Variants in OSBPL5 observed in about 807,000 individuals in gnomAD.
OSBPL5 encodes oxysterol binding protein like 5.
Under a neutral mutation model 111.2 loss-of-function variants are expected in OSBPL5, and 71 were observed. That is an observed-to-expected ratio of 0.64 (90% CI 0.53 to 0.78). OSBPL5 has a LOEUF of 0.78. Ranked by LOEUF, OSBPL5 falls within the 30% of genes least tolerant of loss-of-function variation. The probability of loss-of-function intolerance (pLI) is 0.00; values close to 1 mark genes in which losing one functional copy is unlikely to be tolerated. For missense variants in OSBPL5, 1,210 were observed against 1,189.3 expected (o/e 1.02, Z -0.26); for synonymous variants, 549 against 513.9 (o/e 1.07, Z -0.93).
intron 1 of OSBPL5, among the ~76,000 whole-genome samples, chr11:3,148,561 C>T (rs960824210): frequency 3.9e-5 from 6 of 152,236 alleles, no homozygotes; most frequent in African/African-American, 1.4e-4. Flanking sequence ...CTGTCTGGAA[C>T]CGGCTTCCAT....
chr11:3,131,768 C>CCCATCCAT (rs375306874), intron 1 of OSBPL5, among the ~76,000 whole-genome samples: 59,970 of 108,954 alleles, frequency 0.55, 16,433 homozygotes, highest in Non-Finnish European at 0.59. Context: ...CCACCATCTT[C>CCCATCCAT]CCATCCATCC....
At position 3,093,654 on chromosome 11, in the gene OSBPL5, C is replaced by T. The variant is rs780486840; in HGVS notation, c.1819G>A (p.Val607Met). 18 of 1,613,216 alleles carry T rather than the reference C, an allele frequency of 1.1e-5. No individual in the cohort carries two copies. Among genetic ancestry groups the T allele is most frequent in the South Asian group, 5.5e-5 (5 of 91,086 alleles). ...ASLSGHWDRD[V>M]FIKEEGSGSS... The stretch of plus-strand genomic sequence containing the variant: ...CCGCTCCCTTCCTCCTTGATAAACA[C>T]GTCCCTGTCCTGCCCCAGATGGCCA... The change falls in exon 17 of 22, where the codon GTG becomes ATG. Residue 607 changes from valine (V) to methionine (M), a missense_variant. Physicochemically the swap from Val to Met is conservative, Grantham distance 21. Transcript: ENST00000263650.
intron 1 of OSBPL5, among the ~76,000 whole-genome samples, chr11:3,144,497 C>T (rs564271037): frequency 1.3e-5 from 2 of 152,332 alleles, no homozygotes; most frequent in South Asian, 2.1e-4. Context: ...CGCCAGGCTC[C>T]GTGGCCGGGA....
rs774192603 is a variant in OSBPL5 at position 3,114,591 on chromosome 11, A to ACTTTTTTTTTTTTTTTTTTTTTTTTT, written c.691+4955_691+4956insAAAAAAAAAAAAAAAAAAAAAAAAAG. Among the ~76,000 whole-genome samples the ACTTTTTTTTTTTTTTTTTTTTTTTTT allele has an allele frequency of 3.6e-4, 41 of 113,900 alleles. 16 individuals carry two copies. Among genetic ancestry groups the ACTTTTTTTTTTTTTTTTTTTTTTTTT allele is most frequent in the African/African-American group, 4.2e-4 (12 of 28,388 alleles). The allele number at this position is 113,900 out of a possible 152,430, so 74.7% of individuals were successfully genotyped here. A position where few individuals can be genotyped will look rare whatever the true frequency, so the allele number is the denominator to read the frequency against. On this transcript the variant is annotated intron_variant, in intron 7 of 21. Transcript: ENST00000263650. ...GACTAAAGAATTGGTTAGAACAATG[A>ACTTTTTTTTTTTTTTTTTTTTTTTTT]TTTTTTTTTTTTTTTTTTTTTTTTT...
At chr11:3,160,672 T>TCCCCCCCCCCCCCCCCCCCCCCCC (rs71035491) in intron 1 of OSBPL5, among the ~76,000 whole-genome samples, 6 of 122,532 alleles carry the variant, frequency 4.9e-5, no homozygotes, top group Admixed American at 8.4e-5. Flanking sequence ...ATGACAACCC[T>TCCCCCCCCCCCCCCCCCCCCCCCC]CCCCCCCCCC....
Position 3,102,248 on chromosome 11 carries a change from C to T in OSBPL5, c.1360G>A (p.Glu454Lys). The T allele has an allele frequency of 6.2e-7, 1 of 1,607,810 alleles. No individual in the cohort carries two copies. Among genetic ancestry groups the T allele is most frequent in the Non-Finnish European group, 8.5e-7 (1 of 1,177,626 alleles). ...IKKPYNPILGETFRCCWFHPQ... is the reference protein window; with the variant it reads ...IKKPYNPILGKTFRCCWFHPQ... ...TGGAACCAGCAGCAGCGGAAGGTCTCCCCCAGGATGGGGTTGTACGGCTTC... is the reference window on the plus strand; with the variant it reads ...TGGAACCAGCAGCAGCGGAAGGTCTTCCCCAGGATGGGGTTGTACGGCTTC... The change falls in exon 12 of 22, where the codon GAG (glutamate) becomes AAG (lysine). Residue 454 changes from glutamate to lysine, a missense_variant. Transcript: ENST00000263650.
At chr11:3,097,361 A>G (rs1857310324) in intron 14 of OSBPL5, among the ~76,000 whole-genome samples, 1 of 152,132 alleles carries the variant, frequency 6.6e-6, no homozygotes, top group Non-Finnish European at 1.5e-5. Context: ...AGGGAGAGTC[A>G]AGGAAACATT....
rs756769893 is a variant in OSBPL5, at chr11:3,104,265, G to A, written c.1172C>T (p.Thr391Met). 5.0e-6 allele frequency: 8 copies of A among 1,613,812 alleles called. No individual in the cohort carries two copies. In the East Asian group the frequency reaches 6.7e-5, roughly 13 times the overall value. Residue 391 changes from threonine (T) to methionine (M), a missense_variant, in exon 10 of 22, where the codon ACG becomes ATG. Thr to Met is a moderately conservative substitution (Grantham distance 81). Transcript: ENST00000263650. This position sits in a 1 kb window ranked among gnomAD's most constrained non-coding sequence, Gnocchi z 5.0. ...GMDLSRVVLPTFVLEPRSFLN... is the reference protein window; with the variant it reads ...GMDLSRVVLPMFVLEPRSFLN... ...GAAGGAGCGCGGCTCCAGTACGAAC[G>A]TGGGTAGCACCACGCGGGACAGGTC...
chr11:3,095,853 T>G (rs965047128), intron 14 of OSBPL5, among the ~76,000 whole-genome samples: 2 of 152,246 alleles, frequency 1.3e-5, no homozygotes, highest in Middle Eastern at 3.4e-3. Context: ...TTTACATGAA[T>G]GGATCCAGGC....
rs60874995 is a variant in OSBPL5, at chr11:3,119,528, C to T, written c.691+19G>A. 2.7e-3 allele frequency: 4,258 copies of T among 1,562,922 alleles called. 115 individuals carry two copies. The African/African-American group carries it at 0.053, about 20-fold the overall frequency. Reference sequence around the variant, plus strand: ...CAGGTGGGGGCACTGGGGAGATGCGCAAGCTGGCAGGGACTCACCATCTGA... The same window carrying T: ...CAGGTGGGGGCACTGGGGAGATGCGTAAGCTGGCAGGGACTCACCATCTGA... On this transcript the variant is annotated intron_variant, in intron 7 of 21. Transcript: ENST00000263650.
intron 10 of OSBPL5, among the ~76,000 whole-genome samples, chr11:3,103,904 C>CCTCTGCAG (rs1564830991): frequency 7.1e-6 from 1 of 141,532 alleles, no homozygotes; most frequent in East Asian, 2.1e-4. Flanking sequence ...GCCTCTGCAG[C>CCTCTGCAG]CCCCTTCCTG....
At chr11:3,134,380 G>T (rs1459380332) in intron 1 of OSBPL5, among the ~76,000 whole-genome samples, 3 of 152,194 alleles carry the variant, frequency 2.0e-5, no homozygotes, top group Non-Finnish European at 4.4e-5. Flanking sequence ...CCCCTTGCCT[G>T]GGGGAGCGCC....
chr11:3,151,717 A>G (rs1195769081), intron 1 of OSBPL5, among the ~76,000 whole-genome samples: 1 of 152,230 alleles, frequency 6.6e-6, no homozygotes, highest in Non-Finnish European at 1.5e-5. Context: ...GACTCCTCGG[A>G]GAATGGTCCA....
In OSBPL5 at chr11:3,107,997, C is replaced by T. The variant is rs779328770; in HGVS notation, c.692-52G>A. On this transcript the variant is annotated intron_variant, in intron 7 of 21. Transcript: ENST00000263650. The surrounding 1 kb of genome is among the most constrained non-coding windows in gnomAD (Gnocchi z 6.1). The stretch of plus-strand genomic sequence containing the variant: ...CCCACCCCCACCTCTGTATATCCCG[C>T]ATCCCCCAAGGGGCCACCAGGAGGC... 1.3e-6 allele frequency: 2 copies of T among 1,575,810 alleles called. No individual in the cohort carries two copies. Among genetic ancestry groups the T allele is most frequent in the Non-Finnish European group, 1.7e-6 (2 of 1,167,754 alleles).
At position 3,107,247 on chromosome 11, in the gene OSBPL5, G is replaced by C. The variant is rs1857731571; in HGVS notation, c.1059+16C>G. 1 of 1,608,350 alleles carries C rather than the reference G, an allele frequency of 6.2e-7. No individual in the cohort carries two copies. Among genetic ancestry groups the C allele is most frequent in the Admixed American group, 1.7e-5 (1 of 59,212 alleles). On this transcript the variant is annotated intron_variant, in intron 9 of 21. Coordinates refer to ENST00000263650, the MANE Select transcript of OSBPL5 (RefSeq NM_020896.4). The surrounding 1 kb of genome is among the most constrained non-coding windows in gnomAD (Gnocchi z 6.1). ...GCAGGGGAGACGCTTGGGGCTCCTGGCTGGGGGGCTCTCACCTCCCCCAGC... is the reference window on the plus strand; with the variant it reads ...GCAGGGGAGACGCTTGGGGCTCCTGCCTGGGGGGCTCTCACCTCCCCCAGC...
rs1564821251 is a variant in OSBPL5 at position 3,092,911 on chromosome 11, G to A, written c.2088C>T (p.Phe696=). The part of the protein sequence containing the change: ...ESLMPWKPQL[F]HLDPITQEWH... ...ACTCCTGGGTGATGGGGTCCAGGTGGAACAGCTGCGGCTTCCAGGGCATGA... is the reference window on the plus strand; with the variant it reads ...ACTCCTGGGTGATGGGGTCCAGGTGAAACAGCTGCGGCTTCCAGGGCATGA... The change falls in exon 18 of 22, where the codon TTC becomes TTT. Residue 696 remains phenylalanine, a synonymous_variant. Coordinates refer to ENST00000263650, the MANE Select transcript of OSBPL5 (RefSeq NM_020896.4). This position sits in a 1 kb window ranked among gnomAD's most constrained non-coding sequence, Gnocchi z 5.4. 1.3e-6 allele frequency: 2 copies of A among 1,564,902 alleles called. No homozygotes were observed.
In OSBPL5 at chr11:3,120,491, C is replaced by G. The variant is rs1394898068; in HGVS notation, c.536G>C (p.Arg179Pro). The change falls in exon 6 of 22, where the codon CGG becomes CCG. Residue 179 changes from arginine to proline, a missense_variant. Physicochemically the swap from Arg to Pro is moderately radical, Grantham distance 103 (BLOSUM62 -2). Coordinates refer to ENST00000263650, the MANE Select transcript of OSBPL5 (RefSeq NM_020896.4). ...VLLHCCELIE[R>P]PSKKDGFCFK... The stretch of plus-strand genomic sequence containing the variant: ...GCAGAAGCCGTCCTTCTTGGAGGGC[C>G]GCTCGATGAGCTCGCAGCAGTGCAG... 6.2e-7 allele frequency: 1 copy of G among 1,613,272 alleles called. No homozygotes were observed. The highest frequency in any genetic ancestry group is 8.5e-7 in the Non-Finnish European group (1 of 1,180,046).
In OSBPL5 at chr11:3,088,157, C is replaced by G; in HGVS notation, c.*48G>C. On this transcript the variant is annotated 3_prime_UTR_variant, in exon 22 of 22. Transcript: ENST00000263650. The stretch of plus-strand genomic sequence containing the variant: ...GGAGCAGGCTTAAAGTGCTGGGTGC[C>G]TGGGAGGGAGGGCTCAGGACCGGCC... The G allele has an allele frequency of 6.7e-7, 1 of 1,484,466 alleles. No homozygotes were observed. Among genetic ancestry groups the G allele is most frequent in the Non-Finnish European group, 9.0e-7 (1 of 1,110,824 alleles). The allele number at this position is 1,484,466 out of a possible 1,614,324, so 92.0% of individuals were successfully genotyped here.
rs780465186 is a variant in OSBPL5, at chr11:3,122,354, A to T, written c.294T>A (p.Thr98=). 14 of 1,613,124 alleles carry T rather than the reference A, an allele frequency of 8.7e-6. No individual in the cohort carries two copies. Among genetic ancestry groups the T allele is most frequent in the South Asian group, 4.4e-5 (4 of 91,018 alleles). The change falls in exon 4 of 22, where the codon ACT becomes ACA. Residue 98 remains threonine (T), a synonymous_variant. Coordinates refer to ENST00000263650, the MANE Select transcript of OSBPL5 (RefSeq NM_020896.4). ...TCCCCGGGCCCGGGCTCACCTTGAG[A>T]GTCTCCTTCTTGGTGACCCTGGCGG... ...SPTARVTKKE[T]LKAQKENYRQ... is the part of the protein sequence containing the mutation.
Sources: gnomAD v4.1 joint callset for allele counts (sites outside exome capture counted in the v4.1 genomes callset) on GRCh38, gnomAD v4.1.1 for gene constraint, Gnocchi (gnomAD v3.1) non-coding constraint, MANE v1.5 for transcripts, NCBI Gene and HGNC (gene_info 2026-07-23, HGNC 2026-07-21) for gene names.